Variants in COL4A3 observed in about 807,000 individuals in gnomAD.
The protein encoded by COL4A3 is collagen type IV alpha 3 chain.
A neutral mutation model predicts 217.4 loss-of-function variants in COL4A3; 135 were observed. That is an observed-to-expected ratio of 0.62 (90% CI 0.54 to 0.72). The LOEUF (loss-of-function observed/expected upper bound fraction) is 0.72. COL4A3 is among the 30% of genes least tolerant of loss of function. COL4A3 has a pLI of 0.00. For synonymous variants in COL4A3, 690 were observed against 736.3 expected (o/e 0.94, Z 1.02); for missense variants, 1,868 against 2,119.9 (o/e 0.88, Z 2.33).
At chr2:227,304,938 T>C (rs1488110871) in intron 46 of COL4A3, 47 bp from the exon 47 acceptor site, 1 of 1,522,772 alleles carries the variant, frequency 6.6e-7, no homozygotes, top group Non-Finnish European at 9.1e-7. Flanking sequence ...CCACCTTACT[T>C]TTCATCCTAT....
In COL4A3 at chr2:227,267,042, C is replaced by T. The variant is rs540034262; in HGVS notation, c.1458C>T (p.Pro486=). 5.0e-5 allele frequency: 81 copies of T among 1,613,938 alleles called. No individual in the cohort carries two copies. Among genetic ancestry groups the T allele is most frequent in the Non-Finnish European group, 5.9e-5 (70 of 1,179,912 alleles). The change falls in exon 23 of 52, where the codon CCC becomes CCT. Residue 486 remains proline, a synonymous_variant. Transcript: ENST00000396578. The stretch of plus-strand genomic sequence containing the variant: ...AGTGCCCTTATATCCCAGGGCCTCC[C>T]GGTCTCCCAGGATTGCCAGGGTTAC... ...CTQCPYIPGP[P]GLPGLPGLHG...
intron 8 of COL4A3, 65 bp downstream of exon 8, chr2:227,247,649 T>C: frequency 6.8e-7 from 1 of 1,460,224 alleles, no homozygotes. Context: ...GGACGTCTAT[T>C]AAATAATGAG....
intron 1 of COL4A3, among the ~76,000 whole-genome samples, chr2:227,195,624 C>A (rs558872907): frequency 6.9e-6 from 1 of 143,974 alleles, no homozygotes; most frequent in East Asian, 2.0e-4. Flanking sequence ...CCATAATATA[C>A]TTTTTATTAT....
chr2:227,311,564 G>A (rs2073741954), intron 51 of COL4A3, among the ~76,000 whole-genome samples: 1 of 152,060 alleles, frequency 6.6e-6, no homozygotes. Context: ...ATTTTTAGTA[G>A]AGATTGGGTT....
chr2:227,191,652 G>A lies in COL4A3; in HGVS notation c.87+26839G>A, dbSNP rs6754309. ...CATCTTGGAGACAGATGTAGCTGAA[G>A]TTTTACATTATGGCCTGCAAGAAAC... is the stretch of plus-strand genomic sequence containing the variant. On this transcript the variant is annotated intron_variant, in intron 1 of 51. Coordinates refer to ENST00000396578, the MANE Select transcript of COL4A3 (RefSeq NM_000091.5). The surrounding 1 kb of genome is among the most constrained non-coding windows in gnomAD (Gnocchi z 6.8). 0.096 allele frequency among the ~76,000 whole-genome samples: 14,637 copies of A among 152,166 alleles called. 950 individuals carry two copies. Among genetic ancestry groups the A allele is most frequent in the African/African-American group, 0.18 (7,361 of 41,506 alleles).
intron 11 of COL4A3, among the ~76,000 whole-genome samples, chr2:227,252,212 C>CTTTTTTTTTTTTTTTTTTTTT (rs72162625): frequency 1.2e-5 from 1 of 82,854 alleles, no homozygotes; most frequent in Non-Finnish European, 2.5e-5. Flanking sequence ...TTCTTTCTTT[C>CTTTTTTTTTTTTTTTTTTTTT]TTTTTTTTTT....
At chr2:227,234,116 G>C (rs1240725589) in intron 1 of COL4A3, among the ~76,000 whole-genome samples, 2 of 152,184 alleles carry the variant, frequency 1.3e-5, no homozygotes, top group African/African-American at 4.8e-5. Flanking sequence ...CTGGGGTACA[G>C]TGTCATGTTG....
intron 11 of COL4A3, among the ~76,000 whole-genome samples, chr2:227,252,276 C>A (rs556515685): frequency 7.6e-6 from 1 of 131,758 alleles, no homozygotes; most frequent in East Asian, 2.3e-4. Flanking sequence ...TGTAGTGGTG[C>A]GATCTCGGCT....
intron 34 of COL4A3, among the ~76,000 whole-genome samples, chr2:227,288,407 T>C (rs748537268): frequency 2.6e-5 from 4 of 152,270 alleles, no homozygotes; most frequent in Admixed American, 1.3e-4. Context: ...CAATGACTAT[T>C]TATGAACAGG....
Position 227,283,800 on chromosome 2 carries a change from CT to C in COL4A3, c.2691del (p.Gly898GlufsTer26). On this transcript the variant is annotated frameshift_variant, in exon 33 of 52. Coordinates refer to ENST00000396578, the MANE Select transcript of COL4A3 (RefSeq NM_000091.5). LOFTEE classifies it high-confidence loss of function. ...EDGVIGMMGF[P>X]GAIGPPGPPG... ...GGAGTGATTGGGATGATGGGCTTTC[CT>C]GGAGCCATTGGCCCTCCAGGGCCCC... is the stretch of plus-strand genomic sequence containing the variant. The C allele has an allele frequency of 6.2e-7, 1 of 1,614,190 alleles. No homozygotes were observed. The highest frequency in any genetic ancestry group is 8.5e-7 in the Non-Finnish European group (1 of 1,180,024).
In COL4A3 at chr2:227,266,988, T is replaced by C; in HGVS notation, c.1409-5T>C. On this transcript the variant is annotated splice_polypyrimidine_tract_variant and splice_region_variant and intron_variant, in intron 22 of 51. Transcript: ENST00000396578. ...TTAAGTAATGCTAGTATGCTCTCATTGCAGGAGAACCAGGCCTCCTGTGTA... is the reference window on the plus strand; with the variant it reads ...TTAAGTAATGCTAGTATGCTCTCATCGCAGGAGAACCAGGCCTCCTGTGTA... 6.2e-7 allele frequency: 1 copy of C among 1,603,390 alleles called. No individual in the cohort carries two copies. Among genetic ancestry groups the C allele is most frequent in the South Asian group, 1.1e-5 (1 of 90,872 alleles).
At chr2:227,235,988 A>C (rs1302065180) in intron 1 of COL4A3, among the ~76,000 whole-genome samples, 1 of 150,618 alleles carries the variant, frequency 6.6e-6, no homozygotes, top group Non-Finnish European at 1.5e-5. Flanking sequence ...TGGCCAGGCT[A>C]GTCTCGAACT....
chr2:227,294,782 T>C (rs963349553), intron 39 of COL4A3, among the ~76,000 whole-genome samples, 182 bp from the exon 40 acceptor site: 1 of 152,204 alleles, frequency 6.6e-6, no homozygotes, highest in Non-Finnish European at 1.5e-5. Flanking sequence ...CTCATGATAA[T>C]AGTAATCTGT....
chr2:227,249,230 A>ATATATATATATTTTT, intron 9 of COL4A3, among the ~76,000 whole-genome samples: 8 of 14,686 alleles, frequency 5.4e-4, no homozygotes, highest in African/African-American at 1.3e-3. Flanking sequence ...ATATATATAT[A>ATATATATATATTTTT]TTTTTTTTTT....
At chr2:227,241,642 C>T (rs2069025990) in intron 3 of COL4A3, among the ~76,000 whole-genome samples, 1 of 151,822 alleles carries the variant, frequency 6.6e-6, no homozygotes, top group South Asian at 2.1e-4. Flanking sequence ...CTACTGCACT[C>T]CAGCCTGGGT....
intron 1 of COL4A3, among the ~76,000 whole-genome samples, chr2:227,193,661 G>A (rs2066328947): frequency 6.7e-6 from 1 of 150,318 alleles, no homozygotes; most frequent in African/African-American, 2.4e-5. Flanking sequence ...GCAGTGAGCC[G>A]AGATTGCACC....
chr2:227,312,129 C>A lies in COL4A3; in HGVS notation c.*259C>A, dbSNP rs1380923081. 1.3e-5 allele frequency: 6 copies of A among 473,612 alleles called. No homozygotes were observed. Among genetic ancestry groups the A allele is most frequent in the Non-Finnish European group, 2.3e-5 (6 of 261,602 alleles). 29.3% of individuals were successfully genotyped at this position (473,612 alleles called of 1,614,324 possible). A position where few individuals can be genotyped will look rare whatever the true frequency, so the allele number is the denominator to read the frequency against. The stretch of plus-strand genomic sequence containing the variant: ...CACAAAATATCACCAAAAACCTATT[C>A]CACTTACATCCAAGGCACTGTCACT... On this transcript the variant is annotated 3_prime_UTR_variant, in exon 52 of 52. Transcript: ENST00000396578.
intron 2 of COL4A3, among the ~76,000 whole-genome samples, chr2:227,239,443 G>A (rs535299351): frequency 3.0e-4 from 45 of 152,248 alleles, no homozygotes; most frequent in African/African-American, 1.0e-3. Flanking sequence ...CCGACACTGA[G>A]GGACAAACGT....
chr2:227,168,996 C>T (rs1260608670), intron 1 of COL4A3, among the ~76,000 whole-genome samples: 1 of 151,042 alleles, frequency 6.6e-6, no homozygotes, highest in Non-Finnish European at 1.5e-5. Context: ...CCCATTAACT[C>T]GTCATTTAGC....
Sources: gnomAD v4.1 joint callset for allele counts (sites outside exome capture counted in the v4.1 genomes callset) on GRCh38, gnomAD v4.1.1 for gene constraint, Gnocchi (gnomAD v3.1) non-coding constraint, MANE v1.5 for transcripts, NCBI Gene and HGNC (gene_info 2026-07-23, HGNC 2026-07-21) for gene names.